STAU2: variants seen among roughly 807,000 people sequenced by gnomAD.
STAU2 encodes staufen double-stranded RNA binding protein 2.
STAU2 carries 20 observed loss-of-function variants against 65.9 expected under a neutral mutation model. The observed-to-expected ratio is 0.30, with a 90% CI of 0.21 to 0.44. The LOEUF is 0.44. Among genes scored for constraint, STAU2 ranks in the 20% least tolerant of loss-of-function variants. The probability of loss-of-function intolerance (pLI) is 1.00; values close to 1 mark genes in which losing one functional copy is unlikely to be tolerated. For missense variants in STAU2, 558 were observed against 683.9 expected (o/e 0.82, Z 2.05); for synonymous variants, 232 against 233.9 (o/e 0.99, Z 0.07).
At chr8:73,657,576 A>C (rs1816476121) in intron 6 of STAU2, among the ~76,000 whole-genome samples, 1 of 152,228 alleles carries the variant, frequency 6.6e-6, no homozygotes, top group African/African-American at 2.4e-5. Context: ...ATAAATTTTT[A>C]GAAGGTATAT....
intron 12 of STAU2, among the ~76,000 whole-genome samples, chr8:73,563,942 C>T (rs1808413768): frequency 6.6e-6 from 1 of 152,098 alleles, no homozygotes. Flanking sequence ...TTGAGAATTC[C>T]AGAATCCAGT....
intron 13 of STAU2, among the ~76,000 whole-genome samples, chr8:73,432,358 C>T (rs1041250390): frequency 6.6e-6 from 1 of 152,164 alleles, no homozygotes; most frequent in Non-Finnish European, 1.5e-5. Context: ...TGAGTATTCT[C>T]CTAATTTCTC....
chr8:73,545,280 CAG>C (rs1463917121), intron 13 of STAU2, among the ~76,000 whole-genome samples: 3 of 152,112 alleles, frequency 2.0e-5, no homozygotes, highest in East Asian at 1.9e-4. Flanking sequence ...TATTTTGAGA[CAG>C]AGTCTTGCTC....
chr8:73,463,684 G>C (rs535005798), intron 13 of STAU2, among the ~76,000 whole-genome samples: 1 of 152,312 alleles, frequency 6.6e-6, no homozygotes, highest in South Asian at 2.1e-4. Flanking sequence ...CTTCATTTGG[G>C]GAGGAGGCTT....
intron 3 of STAU2, among the ~76,000 whole-genome samples, chr8:73,714,745 G>C (rs970414012): frequency 6.6e-6 from 1 of 152,060 alleles, no homozygotes; most frequent in African/African-American, 2.4e-5. Flanking sequence ...TAAAGTCTAA[G>C]CCATTTTGAG....
At chr8:73,657,775 A>C (rs1225561314) in intron 6 of STAU2, among the ~76,000 whole-genome samples, 1 of 152,144 alleles carries the variant, frequency 6.6e-6, no homozygotes, top group African/African-American at 2.4e-5. Context: ...GCACTTTGGG[A>C]GGCCGAGGTA....
intron 13 of STAU2, among the ~76,000 whole-genome samples, chr8:73,509,936 T>C (rs987157106): frequency 7.9e-5 from 12 of 152,224 alleles, no homozygotes; most frequent in African/African-American, 2.9e-4. Context: ...GAAATGCTTA[T>C]TTTTTAAATT....
chr8:73,699,159 G>A (rs1403047870), intron 4 of STAU2, among the ~76,000 whole-genome samples: 7 of 151,836 alleles, frequency 4.6e-5, no homozygotes, highest in Non-Finnish European at 7.4e-5. Context: ...CAAAGCCTAT[G>A]GGATACAGCA....
intron 3 of STAU2, among the ~76,000 whole-genome samples, chr8:73,717,759 C>T (rs895547678): frequency 1.2e-4 from 18 of 151,656 alleles, no homozygotes; most frequent in African/African-American, 4.1e-4. Flanking sequence ...GCGATTCTGC[C>T]GCCTATTTAC....
chr8:73,439,564 CAG>C (rs549198161), intron 13 of STAU2, among the ~76,000 whole-genome samples: 125 of 152,208 alleles, frequency 8.2e-4, no homozygotes, highest in African/African-American at 3.0e-3. Flanking sequence ...GCCGCAGTGA[CAG>C]GGGTGGGAAA....
rs896476344 is a variant in STAU2, at chr8:73,421,197, T to C, written c.*175A>G. 4 of 564,652 alleles carry C rather than the reference T, an allele frequency of 7.1e-6. No homozygotes were observed. The East Asian group carries it at 9.1e-5, about 13-fold the overall frequency. The allele number at this position is 564,652 out of a possible 1,614,324, so 35.0% of individuals were successfully genotyped here. A position where few individuals can be genotyped will look rare whatever the true frequency, so the allele number is the denominator to read the frequency against. On this transcript the variant is annotated 3_prime_UTR_variant, in exon 15 of 15. Coordinates refer to ENST00000524300, the MANE Select transcript of STAU2 (RefSeq NM_001164380.2). ...CCAAGGGAAATGCTCAAAGTTTTAT[T>C]TTTCCCCAGTTGAATAAACAGTACC...
chr8:73,658,181 T>C (rs1243462708), intron 6 of STAU2, among the ~76,000 whole-genome samples: 1 of 151,724 alleles, frequency 6.6e-6, no homozygotes, highest in East Asian at 1.9e-4. Flanking sequence ...CTGACCAACA[T>C]GGTGAAACCC....
At chr8:73,698,506 T>C (rs1245819094) in intron 4 of STAU2, among the ~76,000 whole-genome samples, 2 of 152,056 alleles carry the variant, frequency 1.3e-5, no homozygotes, top group Non-Finnish European at 2.9e-5. Flanking sequence ...GCTATACTCA[T>C]ATCAGAAAAA....
intron 12 of STAU2, among the ~76,000 whole-genome samples, chr8:73,558,708 GT>G (rs1381709459): frequency 2.0e-5 from 3 of 152,096 alleles, no homozygotes; most frequent in Non-Finnish European, 2.9e-5. Flanking sequence ...GATCCAAATG[GT>G]TACTGCCACT....
chr8:73,686,137 G>A (rs147412375), intron 5 of STAU2, among the ~76,000 whole-genome samples: 2,808 of 152,274 alleles, frequency 0.018, 36 homozygotes, highest in African/African-American at 0.042. Context: ...ACAATGGGCC[G>A]GGCGCGGTGG....
At chr8:73,588,034 C>G (rs1414570056) in intron 11 of STAU2, among the ~76,000 whole-genome samples, 1 of 152,012 alleles carries the variant, frequency 6.6e-6, no homozygotes, top group East Asian at 1.9e-4. Context: ...TCTAAGATAT[C>G]TGAATGAAGA....
chr8:73,512,748 C>T (rs2128924680), intron 13 of STAU2, among the ~76,000 whole-genome samples: 1 of 152,248 alleles, frequency 6.6e-6, no homozygotes, highest in South Asian at 2.1e-4. Context: ...TTCAAAGCTA[C>T]ACGCTGATCT....
At chr8:73,729,260 C>A (rs1805875528) in intron 3 of STAU2, among the ~76,000 whole-genome samples, 1 of 152,182 alleles carries the variant, frequency 6.6e-6, no homozygotes, top group South Asian at 2.1e-4. Context: ...ATAAGTCCCA[C>A]TTGGCCATGG....
intron 12 of STAU2, among the ~76,000 whole-genome samples, chr8:73,555,741 C>T (rs1231136057): frequency 1.3e-5 from 2 of 152,254 alleles, no homozygotes; most frequent in South Asian, 2.1e-4. Flanking sequence ...AAATATGATG[C>T]CATTGCCATT....
Sources: gnomAD v4.1 joint callset for allele counts (sites outside exome capture counted in the v4.1 genomes callset) on GRCh38, gnomAD v4.1.1 for gene constraint, MANE v1.5 for transcripts, NCBI Gene and HGNC (gene_info 2026-07-23, HGNC 2026-07-21) for gene names.